Variants in TTC9B observed in about 807,000 individuals in gnomAD.
TTC9B encodes tetratricopeptide repeat protein 9B.
In TTC9B, 12 loss-of-function variants were observed where a neutral mutation model predicts 19.4. The observed-to-expected ratio is 0.62, with a 90% confidence interval of 0.40 to 1.00. TTC9B has a LOEUF of 1.00. Among genes scored for constraint, TTC9B ranks in the 50% least tolerant of loss-of-function variants. TTC9B has a pLI of 0.00. For synonymous variants in TTC9B, 156 were observed against 158.6 expected (o/e 0.98, Z 0.12); for missense variants, 316 against 345.2 (o/e 0.92, Z 0.67).
At position 40,218,367 on chromosome 19, in the gene TTC9B, C is replaced by A. The variant is rs1175466162; in HGVS notation, c.15G>T (p.Ala5=). Residue 5 remains alanine (A), a synonymous_variant, in exon 1 of 3, where the codon GCG becomes GCT. Coordinates refer to ENST00000311308, the MANE Select transcript of TTC9B (RefSeq NM_152479.6). The surrounding 1 kb of genome is among the most constrained non-coding windows in gnomAD (Gnocchi z 4.2). The part of the protein sequence containing the change: MQRG[A]LSPVLMLSAA... ...CGCTGAGCATCAGCACCGGGGACAGCGCGCCGCGCTGCATTGTGGGAAACT... is the reference window on the plus strand; with the variant it reads ...CGCTGAGCATCAGCACCGGGGACAGAGCGCCGCGCTGCATTGTGGGAAACT... 1.5e-6 allele frequency: 2 copies of A among 1,339,112 alleles called. No homozygotes were observed. The highest frequency in any genetic ancestry group is 2.8e-4 in the Middle Eastern group (1 of 3,610). 83.0% of individuals were successfully genotyped at this position (1,339,112 alleles called of 1,614,324 possible).
chr19:40,217,277 T>C lies in TTC9B; in HGVS notation c.520A>G (p.Thr174Ala). The change falls in exon 2 of 3, where the codon ACC becomes GCC. Residue 174 changes from threonine (T) to alanine (A), a missense_variant. Transcript: ENST00000311308. ...LEKQQGNFKA[T>A]YRAGIAFYHL... ...TAGAAGGCAATGCCGGCACGGTAGG[T>C]GGCCTTGAAGTTGCCCTGCTGCTTC... 6.2e-7 allele frequency: 1 copy of C among 1,613,998 alleles called. No individual in the cohort carries two copies. The highest frequency in any genetic ancestry group is 8.5e-7 in the Non-Finnish European group (1 of 1,179,924).
chr19:40,217,671 C>T, intron 1 of TTC9B: 1 of 517,802 alleles, frequency 1.9e-6, no homozygotes, highest in African/African-American at 2.0e-5. Flanking sequence ...CAGACTTCCT[C>T]ACCTTGGGTC....
intron 1 of TTC9B, 68 bp downstream of exon 1, chr19:40,217,887 C>A: frequency 7.4e-7 from 1 of 1,354,962 alleles, no homozygotes; most frequent in Non-Finnish European, 9.7e-7. Flanking sequence ...CCCTGGCCCC[C>A]AAGTCGCCAA....
At chr19:40,216,693 CAT>C (rs1336294627) in intron 2 of TTC9B, 19 of 297,978 alleles carry the variant, frequency 6.4e-5, no homozygotes, top group Middle Eastern at 1.1e-3. Flanking sequence ...CTCCTGCACT[CAT>C]GTGTGTAAGT....
chr19:40,216,592 A>C, intron 2 of TTC9B: 3 of 387,528 alleles, frequency 7.7e-6, no homozygotes, highest in East Asian at 5.5e-5. Context: ...AGGAAAACTA[A>C]TCTCGTCTCG....
chr19:40,217,840 C>A (rs73933218), intron 1 of TTC9B, 115 bp downstream of exon 1: 1 of 963,916 alleles, frequency 1.0e-6, no homozygotes, highest in Non-Finnish European at 1.4e-6. Flanking sequence ...AAGGCTCCCC[C>A]AGAAGCCCAC....
intron 1 of TTC9B, chr19:40,217,736 C>A: frequency 1.9e-6 from 1 of 537,102 alleles, no homozygotes; most frequent in Non-Finnish European, 3.2e-6. Context: ...GCCCTGAATA[C>A]CCGACCCAAA....
Position 40,216,283 on chromosome 19 carries a change from G to C in TTC9B, c.611-11C>G. The C allele has an allele frequency of 6.2e-7, 1 of 1,611,114 alleles. No homozygotes were observed. Among genetic ancestry groups the C allele is most frequent in the Non-Finnish European group, 8.5e-7 (1 of 1,177,682 alleles). On this transcript the variant is annotated splice_polypyrimidine_tract_variant and intron_variant, in intron 2 of 2. Coordinates refer to ENST00000311308, the MANE Select transcript of TTC9B (RefSeq NM_152479.6). ...GGAGCACATTGGTGTCTGCAGGGGA[G>C]GTGGGCAGGGCATCATCTGGGTGTC...
In TTC9B at chr19:40,217,200, G is replaced by T. The variant is rs1260409111; in HGVS notation, c.597C>A (p.Ser199Arg). The T allele has an allele frequency of 6.2e-7, 1 of 1,612,570 alleles. No homozygotes were observed. The highest frequency in any genetic ancestry group is 8.5e-7 in the Non-Finnish European group (1 of 1,179,654). ...CCCGCCACTCACCTGTGGGTTCCCGGCTGCGGGCCTCCTGCAGGTAGCGCA... is the reference window on the plus strand; with the variant it reads ...CCCGCCACTCACCTGTGGGTTCCCGTCTGCGGGCCTCCTGCAGGTAGCGCA... ...RALRYLQEAR[S>R]REPTDTNVLR... Residue 199 changes from serine (S) to arginine (R), a missense_variant, in exon 2 of 3, where the codon AGC (serine) becomes AGA (arginine). Physicochemically the swap from Ser to Arg is moderately radical, Grantham distance 110. Transcript: ENST00000311308.
intron 1 of TTC9B, 56 bp from the exon 2 acceptor site, chr19:40,217,425 C>G (rs940543897): frequency 6.4e-7 from 1 of 1,569,592 alleles, no homozygotes; most frequent in African/African-American, 1.4e-5. Context: ...CCAGAACCCA[C>G]CTGACTGCGA....
At position 40,216,184 on chromosome 19, in the gene TTC9B, CTG is replaced by C. The variant is rs1555758525; in HGVS notation, c.697_698del (p.Gln233AspfsTer?). 1 of 1,614,210 alleles carries C rather than the reference CTG, an allele frequency of 6.2e-7. No individual in the cohort carries two copies. Among genetic ancestry groups the C allele is most frequent in the Non-Finnish European group, 8.5e-7 (1 of 1,180,030 alleles). The part of the protein sequence containing the change: ...LQREDSGAGS[Q>X]TRDVIG ...GGCCTCAGCCAATTACATCCCGAGT[CTG>C]GGACCCAGCCCCACTGTCTTCCCGC... On this transcript the variant is annotated frameshift_variant, in exon 3 of 3. Transcript: ENST00000311308. LOFTEE classifies it high-confidence loss of function.
intron 2 of TTC9B, chr19:40,216,557 G>A: frequency 2.1e-6 from 1 of 472,386 alleles, no homozygotes. Flanking sequence ...TCTGCAAGAA[G>A]TCTGTTCTCT....
At chr19:40,217,004 G>C in intron 2 of TTC9B, 183 bp downstream of exon 2, 2 of 637,076 alleles carry the variant, frequency 3.1e-6, no homozygotes, top group South Asian at 4.0e-5. Context: ...GGTGAAGGGC[G>C]GGGTGGATGA....
At chr19:40,217,923 G>A in intron 1 of TTC9B, 32 bp downstream of exon 1, 6 of 795,614 alleles carry the variant, frequency 7.5e-6, no homozygotes, top group South Asian at 2.2e-5. Context: ...CCCTCCCCTC[G>A]TGCCCCATCC....
Position 40,218,266 on chromosome 19 carries a change from TGGCGGGAGCCCGAGCCTG to T in TTC9B, c.98_115del (p.Pro33_Arg38del). 6.8e-7 allele frequency: 1 copy of T among 1,481,344 alleles called. No homozygotes were observed. Among genetic ancestry groups the T allele is most frequent in the Non-Finnish European group, 8.9e-7 (1 of 1,122,082 alleles). 91.8% of individuals were successfully genotyped at this position (1,481,344 alleles called of 1,614,324 possible). On this transcript the variant is annotated inframe_deletion, in exon 1 of 3. Coordinates refer to ENST00000311308, the MANE Select transcript of TTC9B (RefSeq NM_152479.6). This position sits in a 1 kb window ranked among gnomAD's most constrained non-coding sequence, Gnocchi z 4.2. ...GGTAGGACCGGGACGAGCCGAGCCA[TGGCGGGAGCCCGAGCCTG>T]GGCCCGAGCCCGGTGGGGAGAGGGC... is the stretch of plus-strand genomic sequence containing the variant.
Sources: allele counts gnomAD v4.1 joint callset, GRCh38; gene constraint gnomAD v4.1.1; non-coding constraint Gnocchi (gnomAD v3.1); transcripts MANE v1.5; gene names NCBI Gene and HGNC (gene_info 2026-07-23, HGNC 2026-07-21).